CT45A10: variants seen among roughly 807,000 people sequenced by gnomAD.
The protein encoded by CT45A10 is cancer/testis antigen family 45 member A10.
In CT45A10, 19 loss-of-function variants were observed where a neutral mutation model predicts 8.3. The ratio of observed to expected loss-of-function variants is 2.30; its 90% CI spans 1.61 to 3.38. CT45A10 has a LOEUF of 3.38. Among genes scored for constraint, CT45A10 ranks in the 30% most tolerant of loss-of-function variants. The pLI is 0.00. For synonymous variants in CT45A10, 28 were observed against 26.5 expected (o/e 1.06, Z -0.17); for missense variants, 149 against 85.9 (o/e 1.73, Z -2.90).
chrX:135,889,390 G>C (rs1321898411), intron 1 of CT45A10: 1 of 108,493 alleles, frequency 9.2e-6, no homozygotes, highest in Non-Finnish European at 1.9e-5. Flanking sequence ...GAGGTGGGAG[G>C]ATCGCTTGAA....
At chrX:135,890,482 C>A (rs1280493649) in intron 1 of CT45A10, among the ~76,000 whole-genome samples, 1 of 112,603 alleles carries the variant, frequency 8.9e-6, no homozygotes, top group Admixed American at 9.4e-5. Flanking sequence ...CTTGGTAAGA[C>A]TGGTCTTTGG....
At chrX:135,891,169 G>A (rs1556589913) in intron 1 of CT45A10, among the ~76,000 whole-genome samples, 1 of 111,039 alleles carries the variant, frequency 9.0e-6, no homozygotes, top group Non-Finnish European at 1.9e-5. Context: ...TAAGATATTA[G>A]CTTTACAGCT....
chrX:135,886,513 C>CG (rs2088430255), intron 1 of CT45A10, among the ~76,000 whole-genome samples: 1 of 18,147 alleles, frequency 5.5e-5, no homozygotes, highest in Non-Finnish European at 9.6e-5. Context: ...CAATGAAAAC[C>CG]AATGGCATTT....
rs2088409228 is a variant in CT45A10, at chrX:135,883,261, T to C, written c.170-5A>G. On this transcript the variant is annotated splice_region_variant and splice_polypyrimidine_tract_variant and intron_variant, in intron 2 of 4. Transcript: ENST00000682849. Reference sequence around the variant, plus strand: ...TAGCATGTCCTGTCATAAGCTCTGGTGAAACAAATTTTGAGTAAAAGCCAT... The same window carrying C: ...TAGCATGTCCTGTCATAAGCTCTGGCGAAACAAATTTTGAGTAAAAGCCAT... The C allele has an allele frequency of 1.7e-6, 2 of 1,194,426 alleles. No homozygotes were observed. Among genetic ancestry groups the C allele is most frequent in the Middle Eastern group, 3.3e-4 (1 of 3,070 alleles).
chrX:135,890,322 G>T (rs1197696586), intron 1 of CT45A10, among the ~76,000 whole-genome samples: 1 of 112,682 alleles, frequency 8.9e-6, no homozygotes, highest in East Asian at 2.8e-4. Context: ...TGGCCAGCTT[G>T]AGCGATGCAG....
rs1381953495 is a variant in CT45A10, at chrX:135,883,003, C to T, written c.418+5G>A. 14 of 1,196,384 alleles carry T rather than the reference C, an allele frequency of 1.2e-5. No homozygotes were observed. Among genetic ancestry groups the T allele is most frequent in the Non-Finnish European group, 1.4e-5 (12 of 884,881 alleles). ...TTATAAAACAGACGTTCTTACACTA[C>T]TTACTTCGTCCAAGGCATCGGATTT... On this transcript the variant is annotated splice_donor_5th_base_variant and intron_variant, in intron 3 of 4. Coordinates refer to ENST00000682849, the MANE Select transcript of CT45A10 (RefSeq NM_001291529.2).
At position 135,882,929 on chromosome X, in the gene CT45A10, G is replaced by A. The variant is rs1408057719; in HGVS notation, c.418+79C>T. 6 of 1,112,020 alleles carry A rather than the reference G, an allele frequency of 5.4e-6. 1 individual carries two copies. The highest frequency in any genetic ancestry group is 3.7e-5 in the African/African-American group (2 of 54,240). 91.6% of individuals were successfully genotyped at this position (1,112,020 alleles called of 1,213,427 possible). On this transcript the variant is annotated intron_variant, in intron 3 of 4. Coordinates refer to ENST00000682849, the MANE Select transcript of CT45A10 (RefSeq NM_001291529.2). ...CTCTGGCAAAGAATGAGCCTCAAGAGGTAACATGGATATCTTCTGAATCAT... is the reference window on the plus strand; with the variant it reads ...CTCTGGCAAAGAATGAGCCTCAAGAAGTAACATGGATATCTTCTGAATCAT...
intron 3 of CT45A10, 52 bp downstream of exon 3, chrX:135,882,956 G>A (rs2088398652): frequency 8.5e-7 from 1 of 1,172,658 alleles, no homozygotes; most frequent in Middle Eastern, 2.4e-4. Flanking sequence ...CTGAATCATA[G>A]AAAGAGTGAC....
intron 1 of CT45A10, among the ~76,000 whole-genome samples, chrX:135,892,845 C>T (rs1231836464): frequency 4.5e-5 from 5 of 111,075 alleles, no homozygotes; most frequent in Non-Finnish European, 7.6e-5. Context: ...GAGTCCCTCA[C>T]AGGCTGAGAT....
intron 4 of CT45A10, among the ~76,000 whole-genome samples, chrX:135,882,149 T>C (rs1456058099): frequency 2.4e-5 from 1 of 42,132 alleles, no homozygotes; most frequent in African/African-American, 1.0e-4. Flanking sequence ...GGATAAAAGC[T>C]TGAGGTGATA....
intron 1 of CT45A10, among the ~76,000 whole-genome samples, chrX:135,891,357 T>C (rs1189225729): frequency 1.9e-5 from 2 of 108,033 alleles, no homozygotes; most frequent in Non-Finnish European, 3.8e-5. Flanking sequence ...GGATAGGTTA[T>C]ATATAAAAAT....
At chrX:135,892,047 G>A (rs782491502) in intron 1 of CT45A10, among the ~76,000 whole-genome samples, 2 of 109,225 alleles carry the variant, frequency 1.8e-5, no homozygotes, top group Non-Finnish European at 3.8e-5. Flanking sequence ...ATAGCTGGGC[G>A]CAGTGGCTCA....
chrX:135,890,129 C>G (rs1301159485), intron 1 of CT45A10, among the ~76,000 whole-genome samples: 1 of 112,500 alleles, frequency 8.9e-6, no homozygotes, highest in Non-Finnish European at 1.9e-5. Context: ...GAACTCAGCT[C>G]TTATGATGCA....
In CT45A10 at chrX:135,883,012, T is replaced by C. The variant is rs1393072040; in HGVS notation, c.414A>G (p.Gly138=). The part of the protein sequence containing the change: ...CQVVKEIRCL[G]RKYEKIFEML... ...AGACGTTCTTACACTACTTACTTCGTCCAAGGCATCGGATTTCCTTCACTA... is the reference window on the plus strand; with the variant it reads ...AGACGTTCTTACACTACTTACTTCGCCCAAGGCATCGGATTTCCTTCACTA... The change falls in exon 3 of 5, where the codon GGA becomes GGG. Residue 138 remains glycine (G), a synonymous_variant. Coordinates refer to ENST00000682849, the MANE Select transcript of CT45A10 (RefSeq NM_001291529.2). The C allele has an allele frequency of 2.9e-4, 346 of 1,196,903 alleles. 9 individuals are homozygous for C. In the African/African-American group the frequency reaches 5.3e-3, roughly 18 times the overall value.
At chrX:135,889,437 C>A (rs1407846896) in intron 1 of CT45A10, among the ~76,000 whole-genome samples, 1 of 106,762 alleles carries the variant, frequency 9.4e-6, no homozygotes, top group Non-Finnish European at 1.9e-5. Flanking sequence ...CAAGATCGTG[C>A]CAGTGCACTC....
intron 1 of CT45A10, among the ~76,000 whole-genome samples, chrX:135,890,887 A>C (rs1479359604): frequency 8.9e-6 from 1 of 112,092 alleles, no homozygotes; most frequent in Non-Finnish European, 1.9e-5. Flanking sequence ...TAAATATGAG[A>C]TTTACTATAA....
chrX:135,889,433 C>T (rs782212723), intron 1 of CT45A10, among the ~76,000 whole-genome samples: 162 of 105,971 alleles, frequency 1.5e-3, no homozygotes, highest in Non-Finnish European at 2.3e-3. Flanking sequence ...GAGCCAAGAT[C>T]GTGCCAGTGC....
At chrX:135,883,717 C>A (rs1393050647) in intron 2 of CT45A10, among the ~76,000 whole-genome samples, 1 of 72,536 alleles carries the variant, frequency 1.4e-5, no homozygotes, top group South Asian at 8.5e-4. Context: ...TGAGCTGGAA[C>A]CCAGGCAACT....
At chrX:135,889,829 G>T (rs1201314564) in intron 1 of CT45A10, among the ~76,000 whole-genome samples, 1 of 51,725 alleles carries the variant, frequency 1.9e-5, no homozygotes, top group Admixed American at 2.1e-4. Flanking sequence ...GCAAAAAGTT[G>T]GAAAAAAAAA....
Sources: gnomAD v4.1 joint callset for allele counts (sites outside exome capture counted in the v4.1 genomes callset) on GRCh38, gnomAD v4.1.1 for gene constraint, MANE v1.5 for transcripts, NCBI Gene and HGNC (gene_info 2026-07-23, HGNC 2026-07-21) for gene names.